P2RX4: variants seen among roughly 807,000 people sequenced by gnomAD.
P2RX4 encodes the protein purinergic receptor P2X 4.
A neutral mutation model predicts 48.0 loss-of-function variants in P2RX4; 37 were observed. That is an observed-to-expected ratio of 0.77 (90% CI 0.59 to 1.01). The LOEUF (loss-of-function observed/expected upper bound fraction) is 1.01, where lower values mean the gene tolerates loss of function less well. Among genes scored for constraint, P2RX4 ranks in the 50% least tolerant of loss-of-function variants. P2RX4 has a pLI of 0.00. For missense variants in P2RX4, 501 were observed against 521.4 expected (o/e 0.96, Z 0.38); for synonymous variants, 200 against 199.7 (o/e 1.00, Z -0.01).
chr12:121,214,524 T>A (rs777247797), intron 1 of P2RX4: 4 of 152,172 alleles, frequency 2.6e-5, no homozygotes, highest in Non-Finnish European at 5.9e-5. Context: ...GAGGAAATAA[T>A]CACATGATAA....
intron 11 of P2RX4, 57 bp downstream of exon 11, chr12:121,233,149 C>G: frequency 7.9e-7 from 1 of 1,262,876 alleles, no homozygotes; most frequent in Non-Finnish European, 1.1e-6. Flanking sequence ...GGTGTGGGAG[C>G]CCTGGGCGTG....
At chr12:121,230,882 G>A (rs992441719) in intron 8 of P2RX4, among the ~76,000 whole-genome samples, 2 of 151,534 alleles carry the variant, frequency 1.3e-5, no homozygotes, top group African/African-American at 2.4e-5. Context: ...ATGCGTGTGC[G>A]CTCTCTCGCG....
At position 121,217,138 on chromosome 12, in the gene P2RX4, G is replaced by A; in HGVS notation, c.139G>A (p.Val47Met). 1 of 1,614,142 alleles carries A rather than the reference G, an allele frequency of 6.2e-7. No individual in the cohort carries two copies. Among genetic ancestry groups the A allele is most frequent in the Non-Finnish European group, 8.5e-7 (1 of 1,179,958 alleles). ...LLILAYVIGW[V>M]FVWEKGYQET... ...GAGGCCTGTTTTATTTTATAGGTGG[G>A]TGTTTGTGTGGGAAAAGGGCTACCA... The change falls in exon 2 of 12, where the codon GTG becomes ATG. Residue 47 changes from valine (V) to methionine (M), a missense_variant. Physicochemically the swap from Val to Met is conservative, Grantham distance 21. This residue lies in a region of P2RX4 where 295 missense variants were observed against 275.3 expected (regional missense o/e 1.07). Coordinates refer to ENST00000337233, the MANE Select transcript of P2RX4 (RefSeq NM_002560.3).
intron 2 of P2RX4, among the ~76,000 whole-genome samples, chr12:121,218,297 C>G (rs762322603): frequency 1.6e-4 from 24 of 152,026 alleles, no homozygotes; most frequent in Non-Finnish European, 3.4e-4. Flanking sequence ...ACCATCCTGG[C>G]TAACATGGTG....
At chr12:121,222,030 C>G in intron 3 of P2RX4, 46 bp downstream of exon 3, 5 of 1,597,468 alleles carry the variant, frequency 3.1e-6, no homozygotes, top group Non-Finnish European at 3.4e-6. Flanking sequence ...CCCCTCTCCA[C>G]GCCTGTCCAC....
chr12:121,210,406 C>T, intron 1 of P2RX4, 108 bp downstream of exon 1: 2 of 1,155,386 alleles, frequency 1.7e-6, no homozygotes, highest in Non-Finnish European at 2.2e-6. Context: ...GAGCGGCGAG[C>T]CGAGGCGGTG....
At chr12:121,226,595 CACA>C (rs1886989306) in intron 5 of P2RX4, among the ~76,000 whole-genome samples, 1 of 152,136 alleles carries the variant, frequency 6.6e-6, no homozygotes, top group Non-Finnish European at 1.5e-5. Context: ...GTGATGATTG[CACA>C]ACATTATGAA....
Position 121,233,087 on chromosome 12 carries a change from G to A in P2RX4, c.1135G>A (p.Glu379Lys), listed in dbSNP as rs368547621. The change falls in exon 11 of 12, where the codon GAG becomes AAG. Residue 379 changes from glutamate to lysine, a missense_variant. By Grantham distance (56) the Glu-to-Lys change is moderately conservative. Transcript: ENST00000337233. ...EKKYKYVEDY[E>K]QGLASELDQ ...GAAATATAAATATGTGGAAGATTAC[G>A]AGCAGGTAGGCCCCTCCTGGCCCCC... 2.1e-5 allele frequency: 34 copies of A among 1,606,832 alleles called. No homozygotes were observed. The highest frequency in any genetic ancestry group is 3.3e-4 in the Middle Eastern group (2 of 6,038).
chr12:121,233,703 G>T lies in P2RX4; in HGVS notation c.*154G>T. The T allele has an allele frequency of 6.6e-7, 1 of 1,510,656 alleles. No individual in the cohort carries two copies. 93.6% of individuals were successfully genotyped at this position (1,510,656 alleles called of 1,614,324 possible). A position where few individuals can be genotyped will look rare whatever the true frequency, so the allele number is the denominator to read the frequency against. On this transcript the variant is annotated 3_prime_UTR_variant, in exon 12 of 12. Coordinates refer to ENST00000337233, the MANE Select transcript of P2RX4 (RefSeq NM_002560.3). ...CAGGGTTCCCCAGCAGCTCCTGTGTGTTGTGTGCAGGATCTGTTTGCCCAC... is the reference window on the plus strand; with the variant it reads ...CAGGGTTCCCCAGCAGCTCCTGTGTTTTGTGTGCAGGATCTGTTTGCCCAC...
rs1409857450 is a variant in P2RX4, at chr12:121,212,065, CTG to C, written c.134+1771_134+1772del. Among the ~76,000 whole-genome samples the C allele has an allele frequency of 3.5e-4, 54 of 152,350 alleles. 1 individual carries two copies. The highest frequency in any genetic ancestry group is 1.2e-3 in the African/African-American group (48 of 41,582). On this transcript the variant is annotated intron_variant, in intron 1 of 11. Transcript: ENST00000337233. ...TCAGCAACGTTTCGGAACCAATGAA[CTG>C]TGTTTCCCAAGTTTACCTGATCATG...
At chr12:121,233,316 T>C (rs530035078) in intron 11 of P2RX4, 160 of 645,562 alleles carry the variant, frequency 2.5e-4, no homozygotes, top group Non-Finnish European at 1.7e-4. Context: ...ATGAGCGACA[T>C]CTCAGGTTGG....
Position 121,217,153 on chromosome 12 carries a change from A to G in P2RX4, c.154A>G (p.Lys52Glu), listed in dbSNP as rs1320858432. The G allele has an allele frequency of 1.9e-6, 3 of 1,614,208 alleles. No homozygotes were observed. Among genetic ancestry groups the G allele is most frequent in the Non-Finnish European group, 2.5e-6 (3 of 1,180,020 alleles). The change falls in exon 2 of 12, where the codon AAG becomes GAG. Residue 52 changes from lysine to glutamate, a missense_variant. Transcript: ENST00000337233. ...TTATAGGTGGGTGTTTGTGTGGGAA[A>G]AGGGCTACCAGGAAACTGACTCCGT... The part of the protein sequence containing the change: ...YVIGWVFVWE[K>E]GYQETDSVVS...
chr12:121,221,941 A>G lies in P2RX4; in HGVS notation c.311A>G (p.Asn104Ser), dbSNP rs534005848. Residue 104 changes from asparagine (N) to serine (S), a missense_variant, in exon 3 of 12, where the codon AAC becomes AGC. Physicochemically the swap from Asn to Ser is conservative, Grantham distance 46 (BLOSUM62 1). This residue lies in a region of P2RX4 where 295 missense variants were observed against 275.3 expected (regional missense o/e 1.07). Transcript: ENST00000337233. ...GAAAACTCCCTCTTCGTCATGACCA[A>G]CGTGATCCTCACCATGAACCAGACA... ...QEENSLFVMT[N>S]VILTMNQTQG... 1.9e-6 allele frequency: 3 copies of G among 1,614,074 alleles called. No homozygotes were observed. Among genetic ancestry groups the G allele is most frequent in the South Asian group, 2.2e-5 (2 of 91,074 alleles).
intron 5 of P2RX4, 27 bp downstream of exon 5, chr12:121,223,070 G>T (rs1194328256): frequency 6.9e-7 from 1 of 1,450,302 alleles, no homozygotes; most frequent in South Asian, 1.1e-5. Flanking sequence ...GGAAGGAAGT[G>T]CCTTTTTGTT....
chr12:121,212,806 A>G (rs1186899140), intron 1 of P2RX4: 1 of 30,306 alleles, frequency 3.3e-5, no homozygotes, highest in Non-Finnish European at 6.2e-5. Context: ...ATATATATAT[A>G]TATATATATA....
chr12:121,216,312 A>C (rs1466174961), intron 1 of P2RX4: 1 of 152,618 alleles, frequency 6.6e-6, no homozygotes, highest in East Asian at 1.9e-4. Flanking sequence ...TAGCTGTGTG[A>C]CCTTTGGCAA....
At chr12:121,210,336 G>T in intron 1 of P2RX4, 38 bp downstream of exon 1, 1 of 1,469,560 alleles carries the variant, frequency 6.8e-7, no homozygotes, top group East Asian at 2.9e-5. Context: ...GGCGGGTGCT[G>T]CCCTCGCGTC....
chr12:121,220,677 T>TG (rs1334043629), intron 2 of P2RX4, among the ~76,000 whole-genome samples: 20 of 152,184 alleles, frequency 1.3e-4, no homozygotes, highest in African/African-American at 4.8e-4. Context: ...CATTTTAAAA[T>TG]GAAAAATTCA....
Position 121,228,966 on chromosome 12 carries a change from G to A in P2RX4, c.751G>A (p.Gly251Ser). 6.2e-7 allele frequency: 1 copy of A among 1,614,098 alleles called. No individual in the cohort carries two copies. Among genetic ancestry groups the A allele is most frequent in the Non-Finnish European group, 8.5e-7 (1 of 1,180,034 alleles). The change falls in exon 8 of 12, where the codon GGC (glycine) becomes AGC (serine). Residue 251 changes from glycine (G) to serine (S), a missense_variant. This residue lies in a region of P2RX4 where 197 missense variants were observed against 219.5 expected (regional missense o/e 0.90). Coordinates refer to ENST00000337233, the MANE Select transcript of P2RX4 (RefSeq NM_002560.3). ...TGTCTCTGCTGCTCATCCCCAGGGA[G>A]GCATCATGGGCATCCAGGTCAACTG... ...HSFQDMAVEG[G>S]IMGIQVNWDC...
Sources: allele counts gnomAD v4.1 joint callset (sites outside exome capture counted in the v4.1 genomes callset), GRCh38; gene constraint gnomAD v4.1.1; regional missense constraint gnomAD v4.1.1; transcripts MANE v1.5; gene names NCBI Gene and HGNC (gene_info 2026-07-23, HGNC 2026-07-21).